OSR2: variants seen among roughly 807,000 people sequenced by gnomAD.
OSR2 encodes odd-skipped related transciption factor 2, also known as protein odd-skipped-related 2.
Under a neutral mutation model 22.3 loss-of-function variants are expected in OSR2, and 8 were observed. The ratio of observed to expected loss-of-function variants is 0.36; its 90% confidence interval spans 0.21 to 0.65. The LOEUF (loss-of-function observed/expected upper bound fraction) is 0.65, where lower values mean the gene tolerates loss of function less well. Ranked by LOEUF, OSR2 falls within the 30% of genes least tolerant of loss-of-function variation. The pLI is 0.66. For missense variants in OSR2, 311 were observed against 413.4 expected (o/e 0.75, Z 2.15); for synonymous variants, 179 against 173.8 (o/e 1.03, Z -0.23).
chr8:98,951,902 C>T lies in OSR2; in HGVS notation c.*201C>T, dbSNP rs914201596. On this transcript the variant is annotated 3_prime_UTR_variant, in exon 4 of 4. Coordinates refer to ENST00000297565, the MANE Select transcript of OSR2 (RefSeq NM_001142462.3). Reference sequence around the variant, plus strand: ...AAAGCCACACACTACTACATCCCTTCACAAAGAGTATATGCTAGTTTCTTG... The same window carrying T: ...AAAGCCACACACTACTACATCCCTTTACAAAGAGTATATGCTAGTTTCTTG... 4 of 563,050 alleles carry T rather than the reference C, an allele frequency of 7.1e-6. No homozygotes were observed. Among genetic ancestry groups the T allele is most frequent in the African/African-American group, 3.7e-5 (2 of 53,538 alleles). 34.9% of individuals were successfully genotyped at this position (563,050 alleles called of 1,614,324 possible). A position where few individuals can be genotyped will look rare whatever the true frequency, so the allele number is the denominator to read the frequency against.
In OSR2 at chr8:98,949,309, C is replaced by G; in HGVS notation, c.357C>G (p.Ala119=). ...AGGACCGGCCCCGTTTTGACTTTGC[C>G]AATTTGGCGGTGGCTGCCACGCAAG... ...LHKDRPRFDF[A]NLAVAATQED... Residue 119 remains alanine, a synonymous_variant, in exon 2 of 4, where the codon GCC becomes GCG. Coordinates refer to ENST00000297565, the MANE Select transcript of OSR2 (RefSeq NM_001142462.3). The surrounding 1 kb of genome is among the most constrained non-coding windows in gnomAD (Gnocchi z 5.9). The G allele has an allele frequency of 6.2e-7, 1 of 1,613,514 alleles. No homozygotes were observed.
In OSR2 at chr8:98,951,765, T is replaced by G; in HGVS notation, c.*64T>G. The G allele has an allele frequency of 2.7e-5, 40 of 1,509,120 alleles. No individual in the cohort carries two copies. Among genetic ancestry groups the G allele is most frequent in the Non-Finnish European group, 3.2e-5 (36 of 1,121,472 alleles). The allele number at this position is 1,509,120 out of a possible 1,614,324, so 93.5% of individuals were successfully genotyped here. A position where few individuals can be genotyped will look rare whatever the true frequency, so the allele number is the denominator to read the frequency against. On this transcript the variant is annotated 3_prime_UTR_variant, in exon 4 of 4. Coordinates refer to ENST00000297565, the MANE Select transcript of OSR2 (RefSeq NM_001142462.3). ...TCCCCAGACACCTCTCCACGTCTCC[T>G]ACCCAGGGGGTCGCATCCCTAGCCC... is the stretch of plus-strand genomic sequence containing the variant.
Position 98,948,311 on chromosome 8 carries a change from A to G in OSR2, c.-114-528A>G, listed in dbSNP as rs904375434. On this transcript the variant is annotated intron_variant, in intron 1 of 3. Coordinates refer to ENST00000297565, the MANE Select transcript of OSR2 (RefSeq NM_001142462.3). The surrounding 1 kb of genome is among the most constrained non-coding windows in gnomAD (Gnocchi z 6.0). ...TTGCACGCCGGCTTGCCATCCGGGTAAGCGCGGGAAAGGCGGCCACAGGGC... is the reference window on the plus strand; with the variant it reads ...TTGCACGCCGGCTTGCCATCCGGGTGAGCGCGGGAAAGGCGGCCACAGGGC... 8 of 1,524,802 alleles carry G rather than the reference A, an allele frequency of 5.2e-6. No homozygotes were observed. The highest frequency in any genetic ancestry group is 2.0e-5 in the Admixed American group (1 of 49,996). 94.5% of individuals were successfully genotyped at this position (1,524,802 alleles called of 1,614,324 possible). A position where few individuals can be genotyped will look rare whatever the true frequency, so the allele number is the denominator to read the frequency against.
At position 98,948,608 on chromosome 8, in the gene OSR2, T is replaced by C. The variant is rs921264248; in HGVS notation, c.-114-231T>C. 1.4e-5 allele frequency: 14 copies of C among 1,026,672 alleles called. No homozygotes were observed. Among genetic ancestry groups the C allele is most frequent in the Non-Finnish European group, 1.9e-5 (14 of 732,006 alleles). 63.6% of individuals were successfully genotyped at this position (1,026,672 alleles called of 1,614,324 possible). A position where few individuals can be genotyped will look rare whatever the true frequency, so the allele number is the denominator to read the frequency against. On this transcript the variant is annotated intron_variant, in intron 1 of 3. Coordinates refer to ENST00000297565, the MANE Select transcript of OSR2 (RefSeq NM_001142462.3). This position sits in a 1 kb window ranked among gnomAD's most constrained non-coding sequence, Gnocchi z 6.0. ...GAGTCTGAATCCGACTTTCTTTCCT[T>C]TGGGCACGCGCTCGCCAGTGGAGCA...
intron 1 of OSR2, among the ~76,000 whole-genome samples, chr8:98,946,576 A>G (rs1840619702): frequency 6.6e-6 from 1 of 150,796 alleles, no homozygotes; most frequent in Non-Finnish European, 1.5e-5. Flanking sequence ...TTTTTTTTTT[A>G]CTAACATGAA....
At chr8:98,951,107 C>T in intron 3 of OSR2, 1 of 499,320 alleles carries the variant, frequency 2.0e-6, no homozygotes, top group Admixed American at 3.7e-5. Flanking sequence ...TCCCAAGGGC[C>T]TCATAATTTG....
At position 98,950,745 on chromosome 8, in the gene OSR2, T is replaced by C. The variant is rs760925631; in HGVS notation, c.746T>C (p.Leu249Ser). The change falls in exon 3 of 4, where the codon TTA (leucine) becomes TCA (serine). Residue 249 changes from leucine (L) to serine (S), a missense_variant. Physicochemically the swap from Leu to Ser is moderately radical, Grantham distance 145. Coordinates refer to ENST00000297565, the MANE Select transcript of OSR2 (RefSeq NM_001142462.3). ...QSRTLAVHKT[L>S]HMQESPHKCP... Reference sequence around the variant, plus strand: ...AGAACTCTAGCAGTTCACAAAACTTTACACATGCAGGTAAGTTTGTTTTCT... The same window carrying C: ...AGAACTCTAGCAGTTCACAAAACTTCACACATGCAGGTAAGTTTGTTTTCT... 1 of 1,609,140 alleles carries C rather than the reference T, an allele frequency of 6.2e-7. No homozygotes were observed. The highest frequency in any genetic ancestry group is 8.5e-7 in the Non-Finnish European group (1 of 1,176,308).
At chr8:98,950,242 T>C (rs879894566) in intron 2 of OSR2, among the ~76,000 whole-genome samples, 10 of 152,192 alleles carry the variant, frequency 6.6e-5, no homozygotes, top group Non-Finnish European at 1.2e-4. Context: ...TTCTGGACTC[T>C]ACCTGCTGTT....
chr8:98,950,348 T>C (rs1041326427), intron 2 of OSR2, among the ~76,000 whole-genome samples: 1 of 152,108 alleles, frequency 6.6e-6, no homozygotes, highest in Non-Finnish European at 1.5e-5. Context: ...ACATCCTGAT[T>C]TGGCCAATTT....
chr8:98,946,670 T>C (rs1840622056), intron 1 of OSR2, among the ~76,000 whole-genome samples: 1 of 152,174 alleles, frequency 6.6e-6, no homozygotes, highest in African/African-American at 2.4e-5. Context: ...TTTGTGGCAG[T>C]GTAACCTTTA....
intron 1 of OSR2, among the ~76,000 whole-genome samples, chr8:98,947,126 T>C (rs1452008074): frequency 1.3e-5 from 2 of 151,496 alleles, no homozygotes; most frequent in African/African-American, 4.9e-5. Context: ...GGGTTTGCAG[T>C]TGCGGTTGAA....
chr8:98,951,712 G>A lies in OSR2; in HGVS notation c.*11G>A. The A allele has an allele frequency of 1.2e-6, 2 of 1,605,822 alleles. No individual in the cohort carries two copies. Among genetic ancestry groups the A allele is most frequent in the Non-Finnish European group, 1.7e-6 (2 of 1,176,490 alleles). ...CGGCAGGACTTCTAGAGAAGCCCAGGATCTGTCCCGTGCCGCCGCTGCTCC... is the reference window on the plus strand; with the variant it reads ...CGGCAGGACTTCTAGAGAAGCCCAGAATCTGTCCCGTGCCGCCGCTGCTCC... On this transcript the variant is annotated 3_prime_UTR_variant, in exon 4 of 4. Coordinates refer to ENST00000297565, the MANE Select transcript of OSR2 (RefSeq NM_001142462.3).
intron 1 of OSR2, among the ~76,000 whole-genome samples, chr8:98,947,491 G>A (rs914451057): frequency 3.9e-5 from 6 of 152,180 alleles, no homozygotes; most frequent in African/African-American, 1.2e-4. Context: ...CACAGACTGG[G>A]AAACGTGACT....
chr8:98,950,573 C>T (rs1003947363), intron 2 of OSR2, 83 bp from the exon 3 acceptor site: 4 of 821,794 alleles, frequency 4.9e-6, no homozygotes, highest in African/African-American at 1.7e-5. Context: ...TGTTCTTCCA[C>T]GACTTCCTTT....
In OSR2 at chr8:98,949,630, G is replaced by A; in HGVS notation, c.656+22G>A. On this transcript the variant is annotated intron_variant, in intron 2 of 3. Coordinates refer to ENST00000297565, the MANE Select transcript of OSR2 (RefSeq NM_001142462.3). The surrounding 1 kb of genome is among the most constrained non-coding windows in gnomAD (Gnocchi z 5.9). Reference sequence around the variant, plus strand: ...ACAGGTGAGGCGGGCAAGGAGGATGGCTGGGAGAGGGAAAGCGAATTTGTC... The same window carrying A: ...ACAGGTGAGGCGGGCAAGGAGGATGACTGGGAGAGGGAAAGCGAATTTGTC... 6.3e-7 allele frequency: 1 copy of A among 1,591,670 alleles called. No individual in the cohort carries two copies. The highest frequency in any genetic ancestry group is 8.6e-7 in the Non-Finnish European group (1 of 1,167,442).
rs775682426 is a variant in OSR2 at position 98,950,695 on chromosome 8, G to A, written c.696G>A (p.Glu232=). 8.1e-6 allele frequency: 13 copies of A among 1,613,264 alleles called. No homozygotes were observed. The South Asian group carries it at 1.4e-4, about 18-fold the overall frequency. ...HSKEKPFKCQ[E]CGKGFCQSRT... ...AAGAAAAACCCTTCAAATGTCAGGA[G>A]TGTGGGAAAGGATTTTGTCAGTCTA... The change falls in exon 3 of 4, where the codon GAG becomes GAA. Residue 232 remains glutamate, a synonymous_variant. Transcript: ENST00000297565.
intron 3 of OSR2, 41 bp from the exon 4 acceptor site, chr8:98,951,478 G>C (rs1840780655): frequency 1.3e-6 from 2 of 1,526,340 alleles, no homozygotes; most frequent in African/African-American, 2.7e-5. Context: ...TGCAGTGGTG[G>C]TGTGAAGGAT....
At position 98,948,637 on chromosome 8, in the gene OSR2, C is replaced by A; in HGVS notation, c.-114-202C>A. The A allele has an allele frequency of 1.0e-6, 1 of 959,262 alleles. No individual in the cohort carries two copies. The highest frequency in any genetic ancestry group is 3.0e-5 in the Admixed American group (1 of 33,552). 59.4% of individuals were successfully genotyped at this position (959,262 alleles called of 1,614,324 possible). On this transcript the variant is annotated intron_variant, in intron 1 of 3. Coordinates refer to ENST00000297565, the MANE Select transcript of OSR2 (RefSeq NM_001142462.3). The surrounding 1 kb of genome is among the most constrained non-coding windows in gnomAD (Gnocchi z 6.0). ...GCACGCGCTCGCCAGTGGAGCACTTCTTGTTCTGGCCCCGGGCTGATCTGC... is the reference window on the plus strand; with the variant it reads ...GCACGCGCTCGCCAGTGGAGCACTTATTGTTCTGGCCCCGGGCTGATCTGC...
In OSR2 at chr8:98,950,661, T is replaced by A; in HGVS notation, c.662T>A (p.Ile221Asn). 1.2e-6 allele frequency: 2 copies of A among 1,606,260 alleles called. No homozygotes were observed. The highest frequency in any genetic ancestry group is 1.7e-6 in the Non-Finnish European group (2 of 1,173,708). The stretch of plus-strand genomic sequence containing the variant: ...AACCTTATATTGATTTTCAGATACA[T>A]CCATTCCAAAGAAAAACCCTTCAAA... ...RQDHLRDHRY[I>N]HSKEKPFKCQ... The change falls in exon 3 of 4, where the codon ATC (isoleucine) becomes AAC (asparagine). Residue 221 changes from isoleucine (I) to asparagine (N), a missense_variant. Physicochemically the swap from Ile to Asn is moderately radical, Grantham distance 149. Transcript: ENST00000297565.
Sources: allele counts gnomAD v4.1 joint callset (sites outside exome capture counted in the v4.1 genomes callset), GRCh38; gene constraint gnomAD v4.1.1; non-coding constraint Gnocchi (gnomAD v3.1); transcripts MANE v1.5; gene names NCBI Gene and HGNC (gene_info 2026-07-23, HGNC 2026-07-21).